The following ANKS6 variants were observed in gnomAD, a reference collection of about 807,000 sequenced individuals.
ANKS6 encodes the protein ankyrin repeat and sterile alpha motif domain containing 6.
A neutral mutation model predicts 77.9 loss-of-function variants in ANKS6; 47 were observed. The observed-to-expected ratio is 0.60, with a 90% CI of 0.48 to 0.77. The LOEUF is 0.77. ANKS6 is among the 30% of genes least tolerant of loss of function. ANKS6 has a pLI of 0.00. For missense variants in ANKS6, 1,150 were observed against 1,159.1 expected, an observed-to-expected ratio of 0.99 and a Z score of 0.11; for synonymous variants, 488 against 501.7, an observed-to-expected ratio of 0.97 and a Z score of 0.37.
chr9:98,779,134 G>A (rs1342333615), intron 6 of ANKS6, among the ~76,000 whole-genome samples: 2 of 152,226 alleles, frequency 1.3e-5, no homozygotes, highest in East Asian at 1.9e-4. Context: ...CTCAGAAGGC[G>A]CTACCACCCC....
chr9:98,749,792 G>A (rs1365586922), intron 13 of ANKS6, among the ~76,000 whole-genome samples: 1 of 152,142 alleles, frequency 6.6e-6, no homozygotes, highest in Admixed American at 6.5e-5. Context: ...AAAGCTACGC[G>A]CCCTATTTGT....
intron 11 of ANKS6, among the ~76,000 whole-genome samples, chr9:98,759,942 A>G (rs1389557471): frequency 6.6e-6 from 1 of 152,194 alleles, no homozygotes; most frequent in Non-Finnish European, 1.5e-5. Flanking sequence ...GACAGTTAAC[A>G]ATAATATATA....
At position 98,750,562 on chromosome 9, in the gene ANKS6, TAA is replaced by T. The variant is rs1392781146; in HGVS notation, c.2394+465_2394+466del. Among the ~76,000 whole-genome samples, 3 of 152,210 alleles carry T rather than the reference TAA, an allele frequency of 2.0e-5. No homozygotes were observed. The East Asian group carries it at 5.8e-4, about 29-fold the overall frequency. On this transcript the variant is annotated intron_variant, in intron 13 of 14. Transcript: ENST00000353234. ...GGAGTAGGACTGCTGGGTCACACGG[TAA>T]CTCTATATTTAATATTTTGAGGAAG...
rs1393148388 is a variant in ANKS6, at chr9:98,773,921, T to C, written c.1777A>G (p.Arg593Gly). The change falls in exon 9 of 15, where the codon AGA (arginine) becomes GGA (glycine). Residue 593 changes from arginine (R) to glycine (G), a missense_variant. By Grantham distance (125) the Arg-to-Gly change is moderately radical (BLOSUM62 -2). Transcript: ENST00000353234. ...ADPMKTALPQRASRGHPVGGG... is the reference protein window; with the variant it reads ...ADPMKTALPQGASRGHPVGGG... ...CCCACGGGGTGGCCCCTGCTGGCTC[T>C]CTGGGGCAGCGCAGTCTTCATGGGG... 2.5e-6 allele frequency: 4 copies of C among 1,593,224 alleles called. No homozygotes were observed. The highest frequency in any genetic ancestry group is 1.7e-5 in the Admixed American group (1 of 58,124).
chr9:98,796,320 CG>C lies in ANKS6; in HGVS notation c.171del (p.Ala59ProfsTer66). 8.2e-7 allele frequency: 1 copy of C among 1,221,904 alleles called. No individual in the cohort carries two copies. Among genetic ancestry groups the C allele is most frequent in the South Asian group, 3.8e-5 (1 of 26,442 alleles). The allele number at this position is 1,221,904 out of a possible 1,614,324, so 75.7% of individuals were successfully genotyped here. A position where few individuals can be genotyped will look rare whatever the true frequency, so the allele number is the denominator to read the frequency against. On this transcript the variant is annotated frameshift_variant, in exon 1 of 15. Transcript: ENST00000353234. LOFTEE classifies it high-confidence loss of function. The part of the protein sequence containing the change: ...AEPAGAEVAG[P>X]GAAAAGAVGA... ...CCGACTGCCCCCGCCGCTGCGGCCC[CG>C]GGCCCGGCCACCTCGGCCCCCGCCG...
intron 10 of ANKS6, among the ~76,000 whole-genome samples, chr9:98,770,191 T>C (rs1038939970): frequency 2.0e-5 from 3 of 152,192 alleles, no homozygotes; most frequent in African/African-American, 7.2e-5. Flanking sequence ...GGTTTTATAA[T>C]GAGGAGTTTC....
chr9:98,742,827 G>A (rs906651647), intron 14 of ANKS6, among the ~76,000 whole-genome samples: 2 of 126,362 alleles, frequency 1.6e-5, no homozygotes, highest in Admixed American at 8.7e-5. Flanking sequence ...GCAGACTGTC[G>A]CAGAAGAGGG....
In ANKS6 at chr9:98,732,478, T is replaced by C. The variant is rs1418555994; in HGVS notation, c.*4041A>G. 5.4e-5 allele frequency: 83 copies of C among 1,550,212 alleles called. No individual in the cohort carries two copies. Among genetic ancestry groups the C allele is most frequent in the Non-Finnish European group, 6.9e-5 (79 of 1,146,860 alleles). On this transcript the variant is annotated 3_prime_UTR_variant, in exon 15 of 15. Transcript: ENST00000353234. ...CACTCCTCACTTCTGTGGGCTCCGATGCCAGCAGAGCCACCTGAGCGGCTG... is the reference window on the plus strand; with the variant it reads ...CACTCCTCACTTCTGTGGGCTCCGACGCCAGCAGAGCCACCTGAGCGGCTG...
Position 98,734,509 on chromosome 9 carries a change from A to C in ANKS6, c.*2010T>G. The C allele has an allele frequency of 7.1e-6, 7 of 985,440 alleles. No homozygotes were observed. Among genetic ancestry groups the C allele is most frequent in the Non-Finnish European group, 8.4e-6 (7 of 829,936 alleles). 61.0% of individuals were successfully genotyped at this position (985,440 alleles called of 1,614,324 possible). On this transcript the variant is annotated 3_prime_UTR_variant, in exon 15 of 15. Transcript: ENST00000353234. The stretch of plus-strand genomic sequence containing the variant: ...GGCAAACAATTCTAGGCCTACTGTT[A>C]ACCCCTGAAGCCATCAGTAAATTAA...
At position 98,791,112 on chromosome 9, in the gene ANKS6, T is replaced by G; in HGVS notation, c.360-506A>C. On this transcript the variant is annotated intron_variant, in intron 1 of 14. Transcript: ENST00000353234. This position sits in a 1 kb window ranked among gnomAD's most constrained non-coding sequence, Gnocchi z 4.3. Reference sequence around the variant, plus strand: ...CTGTGTGAATGCCGCTGCCCTTGCTTTTTCTCTTACACCATGCTGCCTCCT... The same window carrying G: ...CTGTGTGAATGCCGCTGCCCTTGCTGTTTCTCTTACACCATGCTGCCTCCT... Among the ~76,000 whole-genome samples the G allele has an allele frequency of 6.6e-6, 1 of 152,310 alleles. No individual in the cohort carries two copies. Among genetic ancestry groups the G allele is most frequent in the Non-Finnish European group, 1.5e-5 (1 of 68,016 alleles).
At chr9:98,776,883 C>T (rs920215237) in intron 8 of ANKS6, among the ~76,000 whole-genome samples, 2 of 152,212 alleles carry the variant, frequency 1.3e-5, no homozygotes, top group Admixed American at 6.5e-5. Context: ...GACTCAAGTC[C>T]CTAACTCCAA....
intron 8 of ANKS6, among the ~76,000 whole-genome samples, chr9:98,776,942 G>C (rs1403307447): frequency 6.6e-6 from 1 of 152,204 alleles, no homozygotes; most frequent in African/African-American, 2.4e-5. Context: ...GAAGTAGGCT[G>C]CTGTCTTATT....
chr9:98,785,332 T>TCACAGC (rs1248066602), intron 2 of ANKS6, among the ~76,000 whole-genome samples: 2 of 152,154 alleles, frequency 1.3e-5, no homozygotes, highest in East Asian at 3.8e-4. Context: ...CTAAGGAAGT[T>TCACAGC]CACAGCCACA....
chr9:98,732,569 A>G lies in ANKS6; in HGVS notation c.*3950T>C. On this transcript the variant is annotated 3_prime_UTR_variant, in exon 15 of 15. Coordinates refer to ENST00000353234, the MANE Select transcript of ANKS6 (RefSeq NM_173551.5). ...CCAACCATGGCTACGTCAGGGCAGAAGGGAGAGAAGAAAGAGAGATGAGAG... is the reference window on the plus strand; with the variant it reads ...CCAACCATGGCTACGTCAGGGCAGAGGGGAGAGAAGAAAGAGAGATGAGAG... 1 of 1,550,588 alleles carries G rather than the reference A, an allele frequency of 6.4e-7. No individual in the cohort carries two copies. The highest frequency in any genetic ancestry group is 8.7e-7 in the Non-Finnish European group (1 of 1,146,974).
intron 8 of ANKS6, among the ~76,000 whole-genome samples, chr9:98,776,024 T>C (rs973183773): frequency 3.3e-5 from 5 of 152,206 alleles, no homozygotes; most frequent in Non-Finnish European, 7.3e-5. Flanking sequence ...TCCTCAGCAA[T>C]ACTGCCCTCT....
chr9:98,781,516 T>G (rs533343225), intron 5 of ANKS6, among the ~76,000 whole-genome samples: 1 of 152,206 alleles, frequency 6.6e-6, no homozygotes, highest in African/African-American at 2.4e-5. Flanking sequence ...TCCAACCCTC[T>G]GGCTGGGACA....
intron 2 of ANKS6, 119 bp downstream of exon 2, chr9:98,789,985 T>C (rs1433813053): frequency 7.2e-7 from 1 of 1,382,812 alleles, no homozygotes; most frequent in African/African-American, 1.4e-5. Flanking sequence ...TCAGTCTCAG[T>C]GGTCTGCAGG....
chr9:98,739,627 G>C (rs2131921890), intron 14 of ANKS6, among the ~76,000 whole-genome samples: 1 of 152,200 alleles, frequency 6.6e-6, no homozygotes, highest in South Asian at 2.1e-4. Context: ...TTTATACAAA[G>C]TTTGAAAATC....
Position 98,796,370 on chromosome 9 carries a change from G to A in ANKS6, c.122C>T (p.Ala41Val). ...CGGCTCCGCGCCCGCCTCCGGCTCC[G>A]CGCCGCGCTCGGCTGGCTCCGCCGC... The part of the protein sequence containing the change: ...PGAAEPAERG[A>V]EPEAGAEPAG... The change falls in exon 1 of 15, where the codon GCG (alanine) becomes GTG (valine). Residue 41 changes from alanine (A) to valine (V), a missense_variant. Ala to Val is a moderately conservative substitution (Grantham distance 64, BLOSUM62 0). Coordinates refer to ENST00000353234, the MANE Select transcript of ANKS6 (RefSeq NM_173551.5). The A allele has an allele frequency of 9.5e-7, 1 of 1,051,288 alleles. No individual in the cohort carries two copies. The highest frequency in any genetic ancestry group is 1.1e-6 in the Non-Finnish European group (1 of 874,732). The allele number at this position is 1,051,288 out of a possible 1,614,324, so 65.1% of individuals were successfully genotyped here.
Sources: gnomAD v4.1 joint callset for allele counts (sites outside exome capture counted in the v4.1 genomes callset) on GRCh38, gnomAD v4.1.1 for gene constraint, Gnocchi (gnomAD v3.1) non-coding constraint, MANE v1.5 for transcripts, NCBI Gene and HGNC (gene_info 2026-07-23, HGNC 2026-07-21) for gene names.